Variants in SMYD3 observed in about 807,000 individuals in gnomAD.
SMYD3 encodes SET and MYND domain containing 3.
Under a neutral mutation model 57.7 loss-of-function variants are expected in SMYD3, and 36 were observed. That is an observed-to-expected ratio of 0.62 (90% CI 0.48 to 0.82). SMYD3 has a LOEUF of 0.82. Ranked by LOEUF, SMYD3 falls within the 40% of genes least tolerant of loss-of-function variation. The probability of loss-of-function intolerance (pLI) is 0.00; values close to 1 mark genes in which losing one functional copy is unlikely to be tolerated. For synonymous variants in SMYD3, 211 were observed against 195.0 expected (o/e 1.08, Z -0.68); for missense variants, 515 against 538.8 (o/e 0.96, Z 0.44).
At position 246,166,724 on chromosome 1, in the gene SMYD3, C is replaced by G. The variant is rs191834451; in HGVS notation, c.531+160477G>C. ...CATGCAAATATGTGCTCCATAAAAG[C>G]TGCAACTGACTGTAATACCTGAGAG... On this transcript the variant is annotated intron_variant, in intron 5 of 11. Transcript: ENST00000490107. Among the ~76,000 whole-genome samples, 17 of 152,288 alleles carry G rather than the reference C, an allele frequency of 1.1e-4. No individual in the cohort carries two copies. The East Asian group carries it at 1.3e-3, about 12-fold the overall frequency.
At chr1:246,167,438 G>A (rs1423327294) in intron 5 of SMYD3, among the ~76,000 whole-genome samples, 1 of 151,542 alleles carries the variant, frequency 6.6e-6, no homozygotes, top group East Asian at 1.9e-4. Flanking sequence ...TACTGATCAC[G>A]GCCATCCTAC....
At position 245,767,174 on chromosome 1, in the gene SMYD3, G is replaced by T. The variant is rs6671131; in HGVS notation, c.1077-3025C>A. ...GGGCCTGGAGGTAGTAGTCTTGACA[G>T]GACAAAAAGACGGTCATCTTTTGAT... On this transcript the variant is annotated intron_variant, in intron 10 of 11. Transcript: ENST00000490107. 6.5e-3 allele frequency among the ~76,000 whole-genome samples: 989 copies of T among 152,264 alleles called. 11 individuals are homozygous for T. The highest frequency in any genetic ancestry group is 0.021 in the African/African-American group (891 of 41,538).
At chr1:245,841,625 C>A (rs2050406074) in intron 10 of SMYD3, among the ~76,000 whole-genome samples, 1 of 152,064 alleles carries the variant, frequency 6.6e-6, no homozygotes, top group African/African-American at 2.4e-5. Flanking sequence ...ATTAAAAATT[C>A]TTTACAAAAT....
chr1:246,503,546 T>C (rs2068489197), intron 1 of SMYD3, among the ~76,000 whole-genome samples: 1 of 152,196 alleles, frequency 6.6e-6, no homozygotes, highest in Non-Finnish European at 1.5e-5. Flanking sequence ...ATCATAACAA[T>C]GGAATTTTAT....
intron 1 of SMYD3, among the ~76,000 whole-genome samples, chr1:246,476,441 C>T (rs1187960492): frequency 6.6e-6 from 1 of 152,146 alleles, no homozygotes; most frequent in Non-Finnish European, 1.5e-5. Flanking sequence ...TGGTCTAAGA[C>T]TGGGCCTGAG....
intron 1 of SMYD3, among the ~76,000 whole-genome samples, chr1:246,442,916 G>A (rs10754517): frequency 0.72 from 110,002 of 151,984 alleles, 40,961 homozygotes; most frequent in Non-Finnish European, 0.81. Context: ...CTCCACCTCA[G>A]GGCATCTTAT....
chr1:245,906,539 G>A (rs1558480448), intron 8 of SMYD3, among the ~76,000 whole-genome samples: 1 of 152,180 alleles, frequency 6.6e-6, no homozygotes, highest in Non-Finnish European at 1.5e-5. Context: ...GTACACTGTT[G>A]ATGGGAATGT....
chr1:246,495,191 T>C (rs2068339095), intron 1 of SMYD3, among the ~76,000 whole-genome samples: 1 of 151,346 alleles, frequency 6.6e-6, no homozygotes. Flanking sequence ...CTACTAAAAA[T>C]ACAAAAAATT....
In SMYD3 at chr1:245,758,383, C is replaced by T. The variant is rs563935543; in HGVS notation, c.1185+5658G>A. ...TTCCTTTCCAATTTGGATGCCTCCA[C>T]CATTATTTCTTCAAGCACTTTTTCC... is the stretch of plus-strand genomic sequence containing the variant. On this transcript the variant is annotated intron_variant, in intron 11 of 11. Transcript: ENST00000490107. Among the ~76,000 whole-genome samples, 5 of 152,228 alleles carry T rather than the reference C, an allele frequency of 3.3e-5. No homozygotes were observed. In the South Asian group the frequency reaches 1.0e-3, roughly 32 times the overall value.
chr1:246,094,075 G>C (rs144020133), intron 5 of SMYD3, among the ~76,000 whole-genome samples: 1 of 152,082 alleles, frequency 6.6e-6, no homozygotes, highest in African/African-American at 2.4e-5. Context: ...CATGTCCTAG[G>C]AACACAGCTG....
At chr1:246,204,781 T>C (rs2062973214) in intron 5 of SMYD3, among the ~76,000 whole-genome samples, 1 of 152,212 alleles carries the variant, frequency 6.6e-6, no homozygotes, top group South Asian at 2.1e-4. Context: ...CAGTCAATCA[T>C]CAGAAGGTAA....
At chr1:246,321,222 T>G (rs920188868) in intron 5 of SMYD3, among the ~76,000 whole-genome samples, 1 of 152,212 alleles carries the variant, frequency 6.6e-6, no homozygotes, top group African/African-American at 2.4e-5. Context: ...AGTGGCAGAC[T>G]GCGCTCTTGG....
At chr1:245,761,205 C>T (rs561516718) in intron 11 of SMYD3, among the ~76,000 whole-genome samples, 2 of 152,280 alleles carry the variant, frequency 1.3e-5, no homozygotes, top group East Asian at 1.9e-4. Context: ...ATGCTGCTCC[C>T]AGAATACCTT....
At chr1:246,108,592 C>CA (rs2061172770) in intron 5 of SMYD3, 1 of 152,196 alleles carries the variant, frequency 6.6e-6, no homozygotes, top group African/African-American at 2.4e-5. Context: ...AAATGCTTTC[C>CA]AATCAGTGCT....
intron 5 of SMYD3, among the ~76,000 whole-genome samples, chr1:245,997,918 C>G (rs1053875900): frequency 6.6e-6 from 1 of 152,268 alleles, no homozygotes; most frequent in Non-Finnish European, 1.5e-5. Context: ...GATGCTCAGA[C>G]AAGAGGTCAC....
intron 10 of SMYD3, among the ~76,000 whole-genome samples, chr1:245,825,099 T>C (rs1271126605): frequency 6.6e-6 from 1 of 152,152 alleles, no homozygotes; most frequent in Non-Finnish European, 1.5e-5. Context: ...ATGGACGTGT[T>C]ACTCTCAGAG....
At chr1:245,767,160 T>C (rs1456930452) in intron 10 of SMYD3, among the ~76,000 whole-genome samples, 3 of 151,984 alleles carry the variant, frequency 2.0e-5, no homozygotes, top group Admixed American at 2.0e-4. Flanking sequence ...GGCCTGGAGG[T>C]AGTAGTCTTG....
At chr1:246,128,642 C>T (rs192541022) in intron 5 of SMYD3, among the ~76,000 whole-genome samples, 38 of 152,298 alleles carry the variant, frequency 2.5e-4, no homozygotes, top group African/African-American at 8.7e-4. Context: ...AGCAGTGGGG[C>T]TGGCCCTCAA....
intron 10 of SMYD3, among the ~76,000 whole-genome samples, chr1:245,783,289 T>C (rs969688966): frequency 1.3e-5 from 2 of 152,212 alleles, no homozygotes; most frequent in African/African-American, 4.8e-5. Flanking sequence ...TAAGAGAAGA[T>C]GCCATTTCAG....
Sources: allele counts gnomAD v4.1 joint callset (sites outside exome capture counted in the v4.1 genomes callset), GRCh38; gene constraint gnomAD v4.1.1; transcripts MANE v1.5; gene names NCBI Gene and HGNC (gene_info 2026-07-23, HGNC 2026-07-21).